The following RIMBP2 variants were observed in gnomAD, a reference collection of about 807,000 sequenced individuals.
RIMBP2 encodes the protein RIMS-binding protein 2.
In RIMBP2, 48 loss-of-function variants were observed where a neutral mutation model predicts 118.6. The ratio of observed to expected loss-of-function variants is 0.40; its 90% CI spans 0.32 to 0.51. The LOEUF is 0.51. RIMBP2 is among the 20% of genes least tolerant of loss of function. RIMBP2 has a pLI of 0.41. For synonymous variants in RIMBP2, 762 were observed against 742.9 expected, an observed-to-expected ratio of 1.03 and a Z score of -0.42; for missense variants, 1,551 against 1,768.3, an observed-to-expected ratio of 0.88 and a Z score of 2.20.
intron 2 of RIMBP2, among the ~76,000 whole-genome samples, chr12:130,552,871 C>T (rs570394897): frequency 8.3e-4 from 126 of 152,076 alleles, no homozygotes; most frequent in Middle Eastern, 6.8e-3. Context: ...CAGGACAGGT[C>T]GCCGGGCGTG....
At chr12:130,514,667 G>A (rs7316846) in intron 3 of RIMBP2, among the ~76,000 whole-genome samples, 25,219 of 152,020 alleles carry the variant, frequency 0.17, 2,402 homozygotes, top group Middle Eastern at 0.26. Flanking sequence ...GTCAGCCTGC[G>A]CTGGAGGCCT....
Position 130,442,812 on chromosome 12 carries a change from G to T in RIMBP2, c.692-152C>A. 1.6e-6 allele frequency: 1 copy of T among 642,964 alleles called. No individual in the cohort carries two copies. The allele number at this position is 642,964 out of a possible 1,614,324, so 39.8% of individuals were successfully genotyped here. A position where few individuals can be genotyped will look rare whatever the true frequency, so the allele number is the denominator to read the frequency against. On this transcript the variant is annotated intron_variant, in intron 10 of 22. Transcript: ENST00000690449. This position sits in a 1 kb window ranked among gnomAD's most constrained non-coding sequence, Gnocchi z 6.9. ...GCTGTTCCCAGGAGTCCATGCTGGG[G>T]CCAGCTCCACACCCACCATCTAAAG... is the stretch of plus-strand genomic sequence containing the variant.
At chr12:130,685,126 T>C (rs895552019) in intron 1 of RIMBP2, among the ~76,000 whole-genome samples, 4 of 152,178 alleles carry the variant, frequency 2.6e-5, no homozygotes, top group Admixed American at 6.5e-5. Context: ...CACCCTCTCT[T>C]ATCTCCCCCA....
chr12:130,679,499 C>T (rs556824311), intron 1 of RIMBP2, among the ~76,000 whole-genome samples: 9 of 152,344 alleles, frequency 5.9e-5, no homozygotes, highest in African/African-American at 1.4e-4. Context: ...GAGGTCAAGG[C>T]GGTGACTTCT....
chr12:130,463,334 T>A (rs2137681889), intron 6 of RIMBP2, among the ~76,000 whole-genome samples: 1 of 152,236 alleles, frequency 6.6e-6, no homozygotes, highest in African/African-American at 2.4e-5. Context: ...GGCGCTAGGG[T>A]CTGCAGGGCA....
In RIMBP2 at chr12:130,615,276, C is replaced by CATATATGTATATATATATATATAT. The variant is rs1555309136; in HGVS notation, c.-217+13045_-217+13046insATATATATATATATATACATATAT. On this transcript the variant is annotated intron_variant, in intron 2 of 22. Coordinates refer to ENST00000690449, the MANE Select transcript of RIMBP2 (RefSeq NM_001393629.1). ...TATGTATATATACATAATACACATA[C>CATATATGTATATATATATATATAT]ATATATATATATATATATATGTGTA... Among the ~76,000 whole-genome samples the CATATATGTATATATATATATATAT allele has an allele frequency of 1.6e-3, 156 of 100,250 alleles. 1 individual carries two copies. Among genetic ancestry groups the CATATATGTATATATATATATATAT allele is most frequent in the African/African-American group, 5.7e-3 (144 of 25,398 alleles). The allele number at this position is 100,250 out of a possible 152,430, so 65.8% of individuals were successfully genotyped here.
intron 6 of RIMBP2, among the ~76,000 whole-genome samples, chr12:130,463,613 G>A (rs1185189839): frequency 2.6e-5 from 4 of 152,124 alleles, no homozygotes; most frequent in African/African-American, 9.7e-5. Context: ...CTGAGAGCAA[G>A]GGGCCAGATG....
At chr12:130,478,295 A>G (rs1043949209) in intron 5 of RIMBP2, among the ~76,000 whole-genome samples, 1 of 152,118 alleles carries the variant, frequency 6.6e-6, no homozygotes, top group African/African-American at 2.4e-5. Context: ...ATTGCTCTGC[A>G]ACTCAGTTTT....
chr12:130,517,743 C>T, intron 3 of RIMBP2, 85 bp downstream of exon 3: 2 of 412,378 alleles, frequency 4.8e-6, no homozygotes, highest in Non-Finnish European at 6.5e-6. Context: ...AGTGATTCTT[C>T]CCTGCCCCTT....
At position 130,623,089 on chromosome 12, in the gene RIMBP2, C is replaced by G. The variant is rs2061419700; in HGVS notation, c.-217+5233G>C. Among the ~76,000 whole-genome samples the G allele has an allele frequency of 6.6e-6, 1 of 152,162 alleles. No homozygotes were observed. The highest frequency in any genetic ancestry group is 2.4e-5 in the African/African-American group (1 of 41,434). On this transcript the variant is annotated intron_variant, in intron 2 of 22. Transcript: ENST00000690449. The surrounding 1 kb of genome is among the most constrained non-coding windows in gnomAD (Gnocchi z 4.1). Reference sequence around the variant, plus strand: ...TGTACAAAATCAGGTTGCTGGGCTACTTACACAAATACATATAAAACGAAG... The same window carrying G: ...TGTACAAAATCAGGTTGCTGGGCTAGTTACACAAATACATATAAAACGAAG...
rs11835316 is a variant in RIMBP2 at position 130,617,794 on chromosome 12, G to A, written c.-217+10528C>T. On this transcript the variant is annotated intron_variant, in intron 2 of 22. Transcript: ENST00000690449. The surrounding 1 kb of genome is among the most constrained non-coding windows in gnomAD (Gnocchi z 4.6). ...ATTCTGGTAGAACAGGAATCACTCC[G>A]TTGTCTGGGCTACTTAGAGATGTTG... Among the ~76,000 whole-genome samples the A allele has an allele frequency of 0.023, 3,459 of 152,194 alleles. 132 individuals carry two copies. Among genetic ancestry groups the A allele is most frequent in the African/African-American group, 0.079 (3,293 of 41,506 alleles).
At chr12:130,529,550 C>T (rs1370415481) in intron 2 of RIMBP2, among the ~76,000 whole-genome samples, 1 of 152,134 alleles carries the variant, frequency 6.6e-6, no homozygotes, top group African/African-American at 2.4e-5. Context: ...GAGGTGATGG[C>T]CACACAATGT....
intron 2 of RIMBP2, among the ~76,000 whole-genome samples, chr12:130,598,955 C>T (rs1163180629): frequency 6.6e-6 from 1 of 152,174 alleles, no homozygotes; most frequent in Non-Finnish European, 1.5e-5. Flanking sequence ...GATCCTCCCA[C>T]TTCGGGCTCC....
At chr12:130,702,079 C>A (rs1164011249) in intron 1 of RIMBP2, among the ~76,000 whole-genome samples, 1 of 152,180 alleles carries the variant, frequency 6.6e-6, no homozygotes, top group Non-Finnish European at 1.5e-5. Flanking sequence ...CCACAAGACA[C>A]ATACTCTTCC....
At chr12:130,574,121 A>T (rs2057910215) in intron 2 of RIMBP2, among the ~76,000 whole-genome samples, 1 of 152,222 alleles carries the variant, frequency 6.6e-6, no homozygotes, top group Non-Finnish European at 1.5e-5. Context: ...AGAGTGAAAC[A>T]TAACTAGCAA....
rs755205734 is a variant in RIMBP2 at position 130,404,343 on chromosome 12, G to A, written c.3765+1829C>T. ...GAGACGGAGTTTCACTGTCACCCAG[G>A]CTGGAGTGCAATGGCATGATCTCAG... is the stretch of plus-strand genomic sequence containing the variant. On this transcript the variant is annotated intron_variant, in intron 21 of 22. Coordinates refer to ENST00000690449, the MANE Select transcript of RIMBP2 (RefSeq NM_001393629.1). 1.1e-3 allele frequency among the ~76,000 whole-genome samples: 174 copies of A among 152,142 alleles called. 1 individual carries two copies. The highest frequency in any genetic ancestry group is 1.2e-4 in the Non-Finnish European group (8 of 68,030).
intron 1 of RIMBP2, among the ~76,000 whole-genome samples, chr12:130,639,672 G>A (rs138810014): frequency 4.9e-4 from 75 of 152,178 alleles, no homozygotes; most frequent in Admixed American, 6.5e-4. Flanking sequence ...TGGGCAGCTC[G>A]GGGGCTGGGA....
intron 1 of RIMBP2, among the ~76,000 whole-genome samples, chr12:130,663,707 G>A (rs928291483): frequency 1.3e-5 from 2 of 151,774 alleles, no homozygotes; most frequent in Non-Finnish European, 2.9e-5. Flanking sequence ...GAGTGGGGTA[G>A]GAGTCAGAAC....
chr12:130,428,422 C>T (rs2076934552), intron 14 of RIMBP2, 85 bp from the exon 15 acceptor site: 44 of 1,420,598 alleles, frequency 3.1e-5, no homozygotes, highest in Non-Finnish European at 4.0e-5. Context: ...AACCCTTTCC[C>T]TGCTTCGCTG....
Sources: gnomAD v4.1 joint callset for allele counts (sites outside exome capture counted in the v4.1 genomes callset) on GRCh38, gnomAD v4.1.1 for gene constraint, Gnocchi (gnomAD v3.1) non-coding constraint, MANE v1.5 for transcripts, NCBI Gene and HGNC (gene_info 2026-07-23, HGNC 2026-07-21) for gene names.